ZNF177: variants seen among roughly 807,000 people sequenced by gnomAD.
ZNF177 encodes the protein zinc finger protein 177.
Under a neutral mutation model 19.4 loss-of-function variants are expected in ZNF177, and 17 were observed. The ratio of observed to expected loss-of-function variants is 0.87; its 90% CI spans 0.60 to 1.31. The LOEUF (loss-of-function observed/expected upper bound fraction) is 1.31. ZNF177 is among the 40% of genes most tolerant of loss of function. The pLI is 0.00. For synonymous variants in ZNF177, 220 were observed against 188.7 expected (o/e 1.17, Z -1.36); for missense variants, 633 against 561.8 (o/e 1.13, Z -1.28).
At chr19:9,371,033 G>A (rs2068041480) in intron 2 of ZNF177, among the ~76,000 whole-genome samples, 1 of 152,166 alleles carries the variant, frequency 6.6e-6, no homozygotes, top group South Asian at 2.1e-4. Context: ...ATGATTAGTG[G>A]TTACTGTATT....
intron 2 of ZNF177, 39 bp from the exon 5 acceptor site, chr19:9,378,923 G>C (rs1023012137): frequency 9.0e-6 from 14 of 1,555,212 alleles, no homozygotes; most frequent in Admixed American, 7.0e-5. Flanking sequence ...TGTCAAAAAT[G>C]GTCATTGGCT....
Position 9,379,521 on chromosome 19 carries a change from G to T in ZNF177, c.161-6G>T, listed in dbSNP as rs1320271828. On this transcript the variant is annotated splice_region_variant and splice_polypyrimidine_tract_variant and intron_variant, in intron 3 of 5. Coordinates refer to ENST00000589262, the Ensembl canonical transcript of ZNF177. ...TCTCCCACATCCTTGCTTTCTGCGTGAGCAGGGTATCAGCTCTGCAGACAC... is the reference window on the plus strand; with the variant it reads ...TCTCCCACATCCTTGCTTTCTGCGTTAGCAGGGTATCAGCTCTGCAGACAC... 1.2e-6 allele frequency: 2 copies of T among 1,612,298 alleles called. No individual in the cohort carries two copies.
upstream of ZNF177, among the ~76,000 whole-genome samples, chr19:9,373,406 T>C (rs956068722): frequency 6.6e-6 from 1 of 152,234 alleles, no homozygotes; most frequent in South Asian, 2.1e-4. Context: ...CTGCAATGAA[T>C]ATGAGGTCAC....
chr19:9,373,395 G>A (rs1231871979), upstream of ZNF177, among the ~76,000 whole-genome samples: 1 of 152,132 alleles, frequency 6.6e-6, no homozygotes, highest in East Asian at 1.9e-4. Flanking sequence ...TATAAATAAT[G>A]CTGCAATGAA....
upstream of ZNF177, among the ~76,000 whole-genome samples, chr19:9,375,948 A>G (rs1033381412): frequency 6.6e-5 from 10 of 152,146 alleles, no homozygotes; most frequent in African/African-American, 2.4e-4. Flanking sequence ...TTAAGCTGGT[A>G]TAAGATCTTT....
At chr19:9,378,995 T>C (rs1242977056) in exon 3 of ZNF177, 2 of 1,609,282 alleles carry the variant, frequency 1.2e-6, no homozygotes, top group Non-Finnish European at 1.7e-6. Flanking sequence ...GGCAGTGGAC[T>C]TTTCCCAGGA....
At chr19:9,372,464 A>G (rs1260231178), upstream of ZNF177, among the ~76,000 whole-genome samples, 2 of 151,582 alleles carry the variant, frequency 1.3e-5, no homozygotes, top group Admixed American at 1.3e-4. Context: ...CCCAGCTTCA[A>G]TGATTGTCAC....
chr19:9,371,333 C>T (rs2068044949), intron 2 of ZNF177, among the ~76,000 whole-genome samples: 1 of 151,954 alleles, frequency 6.6e-6, no homozygotes. Flanking sequence ...CTTCCTCCTC[C>T]CTTTTCATTT....
chr19:9,367,288 C>A (rs1341979322), intron 2 of ZNF177, among the ~76,000 whole-genome samples: 1 of 151,672 alleles, frequency 6.6e-6, no homozygotes, highest in Non-Finnish European at 1.5e-5. Flanking sequence ...GCACTCCAGC[C>A]TGGGAAACAG....
chr19:9,380,444 G>A, intron 5 of ZNF177: 1 of 856,002 alleles, frequency 1.2e-6, no homozygotes, highest in Non-Finnish European at 1.7e-6. Flanking sequence ...CTGTATTAAA[G>A]AAGCCCTTTG....
chr19:9,365,107 G>GA (rs1424355761), intron 2 of ZNF177, among the ~76,000 whole-genome samples, 159 bp downstream of exon 2: 1 of 152,148 alleles, frequency 6.6e-6, no homozygotes, highest in East Asian at 1.9e-4. Context: ...TCGAGAAGGT[G>GA]AAAGTTTACC....
exon 6 of ZNF177, chr19:9,381,108 T>C (rs370664312): frequency 3.1e-6 from 5 of 1,613,496 alleles, no homozygotes; most frequent in Non-Finnish European, 3.4e-6. Flanking sequence ...TGGAATGTAA[T>C]GAACATGAGA....
upstream of ZNF177, among the ~76,000 whole-genome samples, chr19:9,375,785 G>C (rs192915215): frequency 1.3e-5 from 2 of 151,832 alleles, no homozygotes; most frequent in Non-Finnish European, 2.9e-5. Context: ...CAGTTTCATC[G>C]ATCTTTTCTA....
exon 6 of ZNF177, chr19:9,381,784 T>C: frequency 6.3e-7 from 1 of 1,584,164 alleles, no homozygotes; most frequent in Non-Finnish European, 8.6e-7. Flanking sequence ...ATGAAATGAC[T>C]CAGGGAAGTG....
chr19:9,380,910 A>G, exon 6 of ZNF177: 1 of 1,536,278 alleles, frequency 6.5e-7, no homozygotes, highest in Non-Finnish European at 8.7e-7. Flanking sequence ...CCCTCAGGAA[A>G]CACTTAAGAA....
At chr19:9,381,539 A>C (rs535581532) in exon 6 of ZNF177, 1 of 1,614,214 alleles carries the variant, frequency 6.2e-7, no homozygotes, top group Non-Finnish European at 8.5e-7. Context: ...CAGTGTGGAA[A>C]GTCCTTCAGC....
intron 4 of ZNF177, 40 bp downstream of exon 6, chr19:9,379,659 A>C (rs759728556): frequency 2.5e-6 from 4 of 1,603,800 alleles, no homozygotes; most frequent in Non-Finnish European, 3.4e-6. Context: ...TTGGCCAGTG[A>C]GGGTTAGTAC....
upstream of ZNF177, among the ~76,000 whole-genome samples, chr19:9,375,820 T>C (rs749771373): frequency 3.3e-5 from 5 of 152,198 alleles, no homozygotes; most frequent in Non-Finnish European, 7.3e-5. Context: ...TCTCATTTAT[T>C]TCTGCTGCGA....
chr19:9,369,010 G>A (rs1041080329), intron 2 of ZNF177, among the ~76,000 whole-genome samples: 4 of 151,886 alleles, frequency 2.6e-5, no homozygotes, highest in Admixed American at 6.6e-5. Context: ...ATATTTAAGG[G>A]GCCCATGAGA....
Sources: gnomAD v4.1 joint callset for allele counts (sites outside exome capture counted in the v4.1 genomes callset) on GRCh38, gnomAD v4.1.1 for gene constraint, MANE v1.5 for transcripts, NCBI Gene and HGNC (gene_info 2026-07-23, HGNC 2026-07-21) for gene names.